TUBGCP3: variants seen among roughly 807,000 people sequenced by gnomAD.
TUBGCP3 encodes the protein tubulin gamma complex component 3.
Under a neutral mutation model 123.1 loss-of-function variants are expected in TUBGCP3, and 50 were observed. The observed-to-expected ratio is 0.41, with a 90% CI of 0.32 to 0.51. TUBGCP3 has a LOEUF of 0.51. TUBGCP3 is among the 20% of genes least tolerant of loss of function. TUBGCP3 has a pLI of 0.36. For missense variants in TUBGCP3, 882 were observed against 1,127.0 expected (o/e 0.78, Z 3.11); for synonymous variants, 405 against 413.9 (o/e 0.98, Z 0.26).
chr13:112,528,102 G>A (rs1019916488), intron 11 of TUBGCP3, among the ~76,000 whole-genome samples: 4 of 152,234 alleles, frequency 2.6e-5, no homozygotes, highest in Admixed American at 2.6e-4. Flanking sequence ...CAGCTCCCCT[G>A]CCCTGACCCT....
intron 8 of TUBGCP3, among the ~76,000 whole-genome samples, chr13:112,552,022 A>G (rs893373129): frequency 2.0e-5 from 3 of 152,328 alleles, no homozygotes; most frequent in South Asian, 2.1e-4. Context: ...AACTAATGCC[A>G]TCACTGATCT....
chr13:112,527,232 A>G (rs766010050), intron 12 of TUBGCP3, 142 bp downstream of exon 12: 5 of 723,212 alleles, frequency 6.9e-6, no homozygotes, highest in Non-Finnish European at 1.1e-5. Context: ...TGATGTATTC[A>G]ATTAACATGC....
At chr13:112,503,586 T>C (rs1881080050) in intron 19 of TUBGCP3, among the ~76,000 whole-genome samples, 1 of 152,082 alleles carries the variant, frequency 6.6e-6, no homozygotes, top group East Asian at 1.9e-4. Flanking sequence ...CAGGCTAGTC[T>C]CGAACTCCCG....
At chr13:112,597,480 A>G in the TUBGCP3 span, among the ~76,000 whole-genome samples, 3,798 of 152,328 alleles carry the variant, frequency 0.025, 78 homozygotes, top group Middle Eastern at 0.058. Context: ...GTGAGGAGAC[A>G]ACGAGTGTTT....
chr13:112,526,967 G>A lies in TUBGCP3; in HGVS notation c.1530C>T (p.Thr510=). Residue 510 remains threonine (T), a synonymous_variant, in exon 13 of 22, where the codon ACC becomes ACT. Coordinates refer to ENST00000261965, the MANE Select transcript of TUBGCP3 (RefSeq NM_006322.6). ...QTPTTKMIAV[T]KSAESPQDAA... ...CGTCCTGGGGTGACTCTGCAGACTT[G>A]GTCACAGCTATCATCTTTGTAGTGG... 6.2e-7 allele frequency: 1 copy of A among 1,613,964 alleles called. No homozygotes were observed. The highest frequency in any genetic ancestry group is 2.2e-5 in the East Asian group (1 of 44,876).
At position 112,587,546 on chromosome 13, in the gene TUBGCP3, C is replaced by A. The variant is rs1461467182; in HGVS notation, c.76+359G>T. On this transcript the variant is annotated intron_variant, in intron 1 of 21. Coordinates refer to ENST00000261965, the MANE Select transcript of TUBGCP3 (RefSeq NM_006322.6). ...CAGAGAAGGGGGATAAATTGGCGAGCTGGCATTCCTCCCGTCCTCACTGAC... is the reference window on the plus strand; with the variant it reads ...CAGAGAAGGGGGATAAATTGGCGAGATGGCATTCCTCCCGTCCTCACTGAC... 2.0e-5 allele frequency among the ~76,000 whole-genome samples: 3 copies of A among 152,250 alleles called. No individual in the cohort carries two copies. The East Asian group carries it at 5.8e-4, about 29-fold the overall frequency.
intron 20 of TUBGCP3, among the ~76,000 whole-genome samples, chr13:112,491,872 A>C (rs1312633227): frequency 6.6e-6 from 1 of 152,204 alleles, no homozygotes; most frequent in Non-Finnish European, 1.5e-5. Flanking sequence ...AGGGGCATCA[A>C]GCAAACACCA....
chr13:112,517,266 C>T (rs1876213202), intron 16 of TUBGCP3, among the ~76,000 whole-genome samples: 1 of 152,112 alleles, frequency 6.6e-6, no homozygotes, highest in South Asian at 2.1e-4. Flanking sequence ...GATAGATTTG[C>T]CTTTTTTAAA....
the TUBGCP3 span, among the ~76,000 whole-genome samples, chr13:112,595,181 T>C: frequency 6.6e-6 from 1 of 151,952 alleles, no homozygotes; most frequent in East Asian, 1.9e-4. Flanking sequence ...GTTTCTCTTT[T>C]GAGCTCTATC....
chr13:112,563,857 A>G (rs1880731597), intron 3 of TUBGCP3, among the ~76,000 whole-genome samples: 1 of 150,784 alleles, frequency 6.6e-6, no homozygotes, highest in South Asian at 2.1e-4. Flanking sequence ...CCTGGGGCAC[A>G]GAGCAAGACT....
intron 17 of TUBGCP3, among the ~76,000 whole-genome samples, chr13:112,514,052 C>T (rs1026598819): frequency 2.0e-5 from 3 of 152,110 alleles, no homozygotes; most frequent in African/African-American, 7.2e-5. Context: ...GTTATCAGGT[C>T]AACAGATCAC....
At chr13:112,535,570 C>A (rs1160662393) in intron 11 of TUBGCP3, among the ~76,000 whole-genome samples, 3 of 152,092 alleles carry the variant, frequency 2.0e-5, no homozygotes, top group Non-Finnish European at 4.4e-5. Context: ...TGCTTATTGT[C>A]CATTTTTGTA....
intron 1 of TUBGCP3, among the ~76,000 whole-genome samples, chr13:112,581,171 C>G (rs1164523051): frequency 1.3e-5 from 2 of 152,112 alleles, no homozygotes; most frequent in African/African-American, 4.8e-5. Context: ...CTCTCTTCTC[C>G]ACATCCTCTA....
intron 17 of TUBGCP3, among the ~76,000 whole-genome samples, chr13:112,510,094 A>G (rs1394013865): frequency 6.6e-6 from 1 of 152,178 alleles, no homozygotes; most frequent in African/African-American, 2.4e-5. Flanking sequence ...CCGACGCCAC[A>G]CTGGACGGCC....
At chr13:112,585,905 G>C (rs922773326) in intron 1 of TUBGCP3, among the ~76,000 whole-genome samples, 2 of 151,712 alleles carry the variant, frequency 1.3e-5, no homozygotes, top group African/African-American at 4.8e-5. Flanking sequence ...TCTCTTAGAA[G>C]GGACAAAACT....
intron 1 of TUBGCP3, among the ~76,000 whole-genome samples, chr13:112,574,198 A>G (rs1299158231): frequency 7.3e-6 from 1 of 137,818 alleles, no homozygotes; most frequent in Non-Finnish European, 1.5e-5. Context: ...GGGCACTCTG[A>G]GCTCACAGTG....
intron 21 of TUBGCP3, among the ~76,000 whole-genome samples, chr13:112,488,906 T>C (rs1191599055): frequency 2.1e-5 from 2 of 93,938 alleles, no homozygotes; most frequent in African/African-American, 4.2e-5. Context: ...CACCCCCAGG[T>C]CCCCACACCC....
chr13:112,510,071 A>G (rs1735852668), intron 17 of TUBGCP3, among the ~76,000 whole-genome samples: 1 of 152,206 alleles, frequency 6.6e-6, no homozygotes, highest in South Asian at 2.1e-4. Flanking sequence ...CAGGATGCAC[A>G]TCTCCTGCAG....
In TUBGCP3 at chr13:112,545,784, T is replaced by C; in HGVS notation, c.1250A>G (p.His417Arg). 1 of 1,614,210 alleles carries C rather than the reference T, an allele frequency of 6.2e-7. No homozygotes were observed. Among genetic ancestry groups the C allele is most frequent in the Non-Finnish European group, 8.5e-7 (1 of 1,180,030 alleles). Residue 417 changes from histidine to arginine, a missense_variant, in exon 11 of 22, where the codon CAC (histidine) becomes CGC (arginine). By Grantham distance (29) the His-to-Arg change is conservative. Around this residue, in one of 3 missense-constraint regions of TUBGCP3, gnomAD observed 713 missense variants for 874.0 expected, o/e 0.82. Coordinates refer to ENST00000261965, the MANE Select transcript of TUBGCP3 (RefSeq NM_006322.6). The surrounding 1 kb of genome is among the most constrained non-coding windows in gnomAD (Gnocchi z 4.1). ...GDPYMRSLVQ[H>R]ILSLVSHPVL... ...AGGATGAGACACGAGGCTGAGGATG[T>C]GCTGCACCAGAGACCGCATGTACGG...
Sources: allele counts gnomAD v4.1 joint callset (sites outside exome capture counted in the v4.1 genomes callset), GRCh38; gene constraint gnomAD v4.1.1; regional missense constraint gnomAD v4.1.1; non-coding constraint Gnocchi (gnomAD v3.1); transcripts MANE v1.5; gene names NCBI Gene and HGNC (gene_info 2026-07-23, HGNC 2026-07-21).